The following CTSB variants were observed in gnomAD, a reference collection of about 807,000 sequenced individuals.
CTSB encodes the protein cathepsin B, also known as APP secretase.
Under a neutral mutation model 44.3 loss-of-function variants are expected in CTSB, and 57 were observed. The ratio of observed to expected loss-of-function variants is 1.29; its 90% confidence interval spans 1.04 to 1.60. CTSB has a LOEUF of 1.60. Ranked by LOEUF, CTSB falls within the 40% of genes most tolerant of loss-of-function variation. The pLI is 0.00. For missense variants in CTSB, 768 were observed against 443.0 expected (o/e 1.73, Z -6.59); for synonymous variants, 320 against 168.0 (o/e 1.91, Z -7.00).
At chr8:11,855,965 T>C (rs73551266) in intron 1 of CTSB, among the ~76,000 whole-genome samples, 11,392 of 151,862 alleles carry the variant, frequency 0.075, 894 homozygotes, top group African/African-American at 0.2. Flanking sequence ...GAGGTGGAGA[T>C]TGCAGTGAGC....
intron 6 of CTSB, 38 bp from the exon 7 acceptor site, chr8:11,847,860 C>A (rs1297654936): frequency 2.0e-6 from 3 of 1,477,022 alleles, no homozygotes; most frequent in Non-Finnish European, 2.7e-6. Flanking sequence ...CAACCTACAG[C>A]CCCCACGGAG....
At chr8:11,853,746 T>G in intron 1 of CTSB, 1 of 348,436 alleles carries the variant, frequency 2.9e-6, no homozygotes, top group Non-Finnish European at 5.3e-6. Flanking sequence ...GTCCAGGGCC[T>G]TCGCTGCTAT....
At chr8:11,847,392 G>A (rs564916543) in intron 7 of CTSB, among the ~76,000 whole-genome samples, 7 of 152,114 alleles carry the variant, frequency 4.6e-5, no homozygotes, top group Admixed American at 2.0e-4. Context: ...ACGAGGCCCC[G>A]GAAGAGGCCA....
chr8:11,849,001 G>C (rs1426861235), intron 5 of CTSB, 45 bp downstream of exon 5: 1 of 1,422,220 alleles, frequency 7.0e-7, no homozygotes, highest in South Asian at 1.2e-5. Flanking sequence ...TGGGGCCCAG[G>C]GTCTCTCAGC....
intron 2 of CTSB, 79 bp from the exon 3 acceptor site, chr8:11,852,774 A>G: frequency 7.3e-7 from 1 of 1,376,668 alleles, no homozygotes; most frequent in Non-Finnish European, 1.0e-6. Context: ...ACGAAGCCCA[A>G]CCCAGGGAAA....
intron 1 of CTSB, chr8:11,857,966 C>CT (rs1366811050): frequency 6.6e-6 from 1 of 152,340 alleles, no homozygotes; most frequent in African/African-American, 2.4e-5. Flanking sequence ...AAAATGAGCC[C>CT]TGCACTTGGA....
chr8:11,858,921 C>G (rs1479316008), intron 1 of CTSB, among the ~76,000 whole-genome samples: 1 of 152,168 alleles, frequency 6.6e-6, no homozygotes, highest in Non-Finnish European at 1.5e-5. Context: ...GCTTTCTGCT[C>G]TGCTTCTTAC....
chr8:11,848,635 G>A (rs900706476), intron 5 of CTSB: 4 of 306,548 alleles, frequency 1.3e-5, no homozygotes. Context: ...ACCAAGGCGA[G>A]GCTGCAGGCA....
intron 8 of CTSB, chr8:11,846,444 A>C (rs1056780390): frequency 1.3e-5 from 2 of 152,402 alleles, no homozygotes; most frequent in African/African-American, 4.8e-5. Flanking sequence ...ATCTAGCAAA[A>C]TATTAATGGG....
At chr8:11,865,070 C>A (rs144465591) in intron 1 of CTSB, among the ~76,000 whole-genome samples, 2 of 152,154 alleles carry the variant, frequency 1.3e-5, no homozygotes, top group Non-Finnish European at 2.9e-5. Flanking sequence ...TGGGACCAGA[C>A]GTAGAGACTG....
In CTSB at chr8:11,844,730, C is replaced by T. The variant is rs4987129; in HGVS notation, c.*395G>A. 1.1e-5 allele frequency: 2 copies of T among 175,244 alleles called. No individual in the cohort carries two copies. The highest frequency in any genetic ancestry group is 4.7e-5 in the African/African-American group (2 of 42,430). 10.9% of individuals were successfully genotyped at this position (175,244 alleles called of 1,614,324 possible). A position where few individuals can be genotyped will look rare whatever the true frequency, so the allele number is the denominator to read the frequency against. ...TGATTTCTGTGACAAATGTGGAAAG[C>T]TACTTGCTTGGAGGTACTGGGGGAA... On this transcript the variant is annotated 3_prime_UTR_variant, in exon 10 of 10. Coordinates refer to ENST00000353047, the MANE Select transcript of CTSB (RefSeq NM_001908.5).
chr8:11,857,666 G>A (rs1381697590), intron 1 of CTSB, among the ~76,000 whole-genome samples: 1 of 152,026 alleles, frequency 6.6e-6, no homozygotes, highest in Non-Finnish European at 1.5e-5. Flanking sequence ...GTCCCACAGG[G>A]CCCCCTCGCC....
At chr8:11,857,920 GC>G (rs36012705) in intron 1 of CTSB, 55,126 of 152,114 alleles carry the variant, frequency 0.36, 10,193 homozygotes, top group East Asian at 0.49. Flanking sequence ...CCAGGTTGGG[GC>G]TCAAGGGGCC....
intron 1 of CTSB, 164 bp from the exon 2 acceptor site, chr8:11,853,643 G>A: frequency 3.1e-6 from 2 of 651,808 alleles, no homozygotes; most frequent in Non-Finnish European, 4.9e-6. Flanking sequence ...CCGCCCCCCT[G>A]CCCGAAGCAC....
intron 1 of CTSB, among the ~76,000 whole-genome samples, chr8:11,863,584 C>CA (rs1457492757): frequency 1.3e-5 from 2 of 152,204 alleles, no homozygotes; most frequent in African/African-American, 2.4e-5. Context: ...GTAAAAACAT[C>CA]AGACCTTGGC....
chr8:11,867,013 G>C (rs548322620), intron 1 of CTSB, among the ~76,000 whole-genome samples: 2 of 151,812 alleles, frequency 1.3e-5, no homozygotes, highest in East Asian at 1.9e-4. Flanking sequence ...CACTTCTCCA[G>C]TGGGTTTGGG....
chr8:11,846,669 G>A (rs1022178967), intron 8 of CTSB, among the ~76,000 whole-genome samples: 11 of 152,192 alleles, frequency 7.2e-5, no homozygotes, highest in African/African-American at 2.7e-4. Context: ...AACACGAACG[G>A]CCTGCCATTA....
intron 3 of CTSB, among the ~76,000 whole-genome samples, chr8:11,852,184 A>G (rs937288781): frequency 1.3e-5 from 2 of 152,150 alleles, no homozygotes; most frequent in African/African-American, 4.8e-5. Context: ...GAGCCTGGCC[A>G]GTATGGCGAA....
intron 1 of CTSB, among the ~76,000 whole-genome samples, chr8:11,856,205 C>T (rs1815484081): frequency 1.3e-5 from 2 of 152,042 alleles, no homozygotes; most frequent in South Asian, 4.2e-4. Context: ...TGGGCACAAC[C>T]ACCGAGACAT....
Sources: gnomAD v4.1 joint callset for allele counts (sites outside exome capture counted in the v4.1 genomes callset) on GRCh38, gnomAD v4.1.1 for gene constraint, MANE v1.5 for transcripts, NCBI Gene and HGNC (gene_info 2026-07-23, HGNC 2026-07-21) for gene names.